LSAMP: variants seen among roughly 807,000 people sequenced by gnomAD.
The protein encoded by LSAMP is limbic system associated membrane protein, also known as limbic system-associated membrane protein.
Under a neutral mutation model 38.6 loss-of-function variants are expected in LSAMP, and 7 were observed. The observed-to-expected ratio is 0.18, with a 90% CI of 0.10 to 0.34. The LOEUF is 0.34. LSAMP is among the 10% of genes least tolerant of loss of function. LSAMP has a pLI of 1.00. For missense variants in LSAMP, 313 were observed against 420.0 expected, an observed-to-expected ratio of 0.75 and a Z score of 2.23; for synonymous variants, 154 against 166.8, an observed-to-expected ratio of 0.92 and a Z score of 0.59.
chr3:115,930,572 C>T (rs1466020981), intron 3 of LSAMP, among the ~76,000 whole-genome samples: 4 of 151,976 alleles, frequency 2.6e-5, no homozygotes, highest in African/African-American at 9.7e-5. Flanking sequence ...TGAAGAAAAT[C>T]CACTCCAACC....
intron 3 of LSAMP, among the ~76,000 whole-genome samples, chr3:115,911,928 C>T (rs13098581): frequency 0.21 from 31,658 of 152,116 alleles, 3,461 homozygotes; most frequent in East Asian, 0.34. Context: ...TTTCCCTAAA[C>T]GGCTAGTGAT....
chr3:115,879,209 T>C (rs1175607793), intron 3 of LSAMP, among the ~76,000 whole-genome samples: 1 of 152,142 alleles, frequency 6.6e-6, no homozygotes, highest in East Asian at 1.9e-4. Flanking sequence ...ATTGTGAAGA[T>C]ACACTTATCT....
At chr3:115,861,439 G>C (rs151119369) in intron 3 of LSAMP, among the ~76,000 whole-genome samples, 1 of 151,906 alleles carries the variant, frequency 6.6e-6, no homozygotes, top group African/African-American at 2.4e-5. Context: ...TTTAACTGAC[G>C]GTGGCTGCCT....
At chr3:116,279,558 G>A (rs896488235) in intron 1 of LSAMP, among the ~76,000 whole-genome samples, 1 of 152,094 alleles carries the variant, frequency 6.6e-6, no homozygotes, top group African/African-American at 2.4e-5. Flanking sequence ...CTCAAATATT[G>A]AAAAGTGGTA....
intron 1 of LSAMP, among the ~76,000 whole-genome samples, chr3:116,296,175 G>C (rs2047330387): frequency 1.3e-5 from 2 of 152,172 alleles, no homozygotes; most frequent in Admixed American, 1.3e-4. Context: ...GAAACTTTGA[G>C]TGTAAAGAAG....
intron 1 of LSAMP, among the ~76,000 whole-genome samples, chr3:116,239,509 T>A (rs1298956165): frequency 8.5e-5 from 13 of 152,246 alleles, no homozygotes. Context: ...AACAAGATAG[T>A]ATATTAGGGA....
intron 3 of LSAMP, among the ~76,000 whole-genome samples, chr3:115,923,929 G>A (rs1387217459): frequency 6.6e-6 from 1 of 152,032 alleles, no homozygotes; most frequent in Non-Finnish European, 1.5e-5. Context: ...ACATTTTAAG[G>A]AGAGGAGCAC....
chr3:116,090,827 TAAC>T (rs1047181521), intron 1 of LSAMP, among the ~76,000 whole-genome samples: 27 of 152,184 alleles, frequency 1.8e-4, no homozygotes, highest in African/African-American at 6.5e-4. Context: ...ATCAAGTACT[TAAC>T]AGAGTAATAG....
At chr3:116,014,625 A>G (rs1559920563) in intron 3 of LSAMP, among the ~76,000 whole-genome samples, 1 of 152,216 alleles carries the variant, frequency 6.6e-6, no homozygotes, top group Non-Finnish European at 1.5e-5. Flanking sequence ...ACACATGCAT[A>G]TGCTACCAAG....
chr3:116,444,444 T>C (rs1442001140), intron 1 of LSAMP, among the ~76,000 whole-genome samples: 7 of 148,290 alleles, frequency 4.7e-5, no homozygotes, highest in African/African-American at 1.8e-4. Flanking sequence ...TGCAGTACTG[T>C]GTACTACTCT....
chr3:116,443,332 C>A (rs1044472765), intron 1 of LSAMP, among the ~76,000 whole-genome samples: 2 of 152,150 alleles, frequency 1.3e-5, no homozygotes, highest in East Asian at 3.8e-4. Context: ...GGCTGAAGAG[C>A]TAGAAGGGAA....
intron 3 of LSAMP, among the ~76,000 whole-genome samples, chr3:115,973,684 A>G (rs1559903679): frequency 6.6e-6 from 1 of 152,076 alleles, no homozygotes; most frequent in Non-Finnish European, 1.5e-5. Context: ...CAGTGAGCCG[A>G]GATGGTGCCA....
intron 1 of LSAMP, among the ~76,000 whole-genome samples, chr3:116,163,899 C>T (rs972182238): frequency 3.9e-5 from 6 of 151,970 alleles, no homozygotes; most frequent in Non-Finnish European, 7.4e-5. Context: ...TAAGATCACA[C>T]ATATATAATC....
intron 1 of LSAMP, among the ~76,000 whole-genome samples, chr3:116,437,040 T>G (rs1374737371): frequency 7.2e-6 from 1 of 138,790 alleles, no homozygotes; most frequent in African/African-American, 2.9e-5. Context: ...TATATATATG[T>G]GTATATATAT....
chr3:116,291,580 C>T (rs2047268163), intron 1 of LSAMP, among the ~76,000 whole-genome samples: 1 of 152,172 alleles, frequency 6.6e-6, no homozygotes, highest in African/African-American at 2.4e-5. Context: ...CTACAGATAA[C>T]ATTAGATTGG....
chr3:116,275,133 A>G (rs2047031581), intron 1 of LSAMP, among the ~76,000 whole-genome samples: 1 of 152,124 alleles, frequency 6.6e-6, no homozygotes, highest in Admixed American at 6.5e-5. Flanking sequence ...GCTTACTGCA[A>G]CCTTGAATTC....
At chr3:115,821,669 TAGTA>T (rs1469653310) in intron 6 of LSAMP, among the ~76,000 whole-genome samples, 5 of 152,192 alleles carry the variant, frequency 3.3e-5, no homozygotes, top group Non-Finnish European at 5.9e-5. Flanking sequence ...GGGCCAGAGT[TAGTA>T]AGAGTGTGTG....
At position 116,416,823 on chromosome 3, in the gene LSAMP, C is replaced by T. The variant is rs189406517; in HGVS notation, c.155+28054G>A. Among the ~76,000 whole-genome samples, 977 of 151,986 alleles carry T rather than the reference C, an allele frequency of 6.4e-3. 9 individuals carry two copies. The highest frequency in any genetic ancestry group is 0.021 in the African/African-American group (887 of 41,458). On this transcript the variant is annotated intron_variant, in intron 1 of 6. Coordinates refer to ENST00000490035, the MANE Select transcript of LSAMP (RefSeq NM_002338.5). ...TTCTTCTTCTTCTTTTTTTAAACCT[C>T]TTTGTGTCCTCAACATTTAGCAAGT...
intron 1 of LSAMP, among the ~76,000 whole-genome samples, chr3:116,422,750 C>A (rs760391209): frequency 2.0e-4 from 31 of 152,096 alleles, no homozygotes; most frequent in Non-Finnish European, 3.7e-4. Context: ...ATAAGTTGTA[C>A]CTCATTAAAA....
Sources: allele counts gnomAD v4.1 joint callset (sites outside exome capture counted in the v4.1 genomes callset), GRCh38; gene constraint gnomAD v4.1.1; transcripts MANE v1.5; gene names NCBI Gene and HGNC (gene_info 2026-07-23, HGNC 2026-07-21).